Variants in TAF3 observed in about 807,000 individuals in gnomAD.
TAF3 encodes the protein transcription initiation factor TFIID subunit 3.
TAF3 carries 7 observed loss-of-function variants against 80.6 expected under a neutral mutation model. That is an observed-to-expected ratio of 0.09 (90% CI 0.05 to 0.16). TAF3 has a LOEUF of 0.16. Among genes scored for constraint, TAF3 ranks in the 10% least tolerant of loss-of-function variants. TAF3 has a pLI of 1.00. For synonymous variants in TAF3, 444 were observed against 446.1 expected (o/e 1.00, Z 0.06); for missense variants, 921 against 1,140.2 (o/e 0.81, Z 2.77).
intron 2 of TAF3, among the ~76,000 whole-genome samples, chr10:7,830,552 C>T (rs182233305): frequency 1.4e-4 from 17 of 122,588 alleles, no homozygotes; most frequent in Admixed American, 3.4e-4. Context: ...GGCGCAATCT[C>T]GGCTCACTGC....
chr10:7,877,957 C>G lies in TAF3; in HGVS notation c.409+53397C>G, dbSNP rs747754694. ...TACATTGGAGCTAATGTTTCTGTCACCTTACCTGTCACAGTGTCCTTTGAG... is the reference window on the plus strand; with the variant it reads ...TACATTGGAGCTAATGTTTCTGTCAGCTTACCTGTCACAGTGTCCTTTGAG... On this transcript the variant is annotated intron_variant, in intron 2 of 6. Transcript: ENST00000344293. Among the ~76,000 whole-genome samples, 49 of 152,292 alleles carry G rather than the reference C, an allele frequency of 3.2e-4. 1 individual carries two copies. Among genetic ancestry groups the G allele is most frequent in the Middle Eastern group, 3.4e-3 (1 of 294 alleles).
intron 2 of TAF3, among the ~76,000 whole-genome samples, chr10:7,853,769 G>C (rs1837051626): frequency 6.6e-6 from 1 of 152,236 alleles, no homozygotes; most frequent in African/African-American, 2.4e-5. Flanking sequence ...GACAGAGACT[G>C]TATATCCCAA....
At chr10:7,870,600 A>T in intron 2 of TAF3, among the ~76,000 whole-genome samples, 1 of 152,184 alleles carries the variant, frequency 6.6e-6, no homozygotes, top group East Asian at 1.9e-4. Context: ...GTTGTTGAAG[A>T]GTTAGGATGG....
At chr10:7,924,894 A>G (rs898788778) in intron 2 of TAF3, among the ~76,000 whole-genome samples, 1 of 152,224 alleles carries the variant, frequency 6.6e-6, no homozygotes, top group East Asian at 1.9e-4. Flanking sequence ...GTTGTTTAGA[A>G]AGTATAGATG....
At chr10:7,907,710 G>A (rs1282851102) in intron 2 of TAF3, among the ~76,000 whole-genome samples, 1 of 152,210 alleles carries the variant, frequency 6.6e-6, no homozygotes, top group Admixed American at 6.5e-5. Flanking sequence ...TCCCAGGTAA[G>A]CTCTTTCTTC....
intron 2 of TAF3, among the ~76,000 whole-genome samples, chr10:7,910,555 A>G (rs895869664): frequency 2.6e-5 from 4 of 151,942 alleles, no homozygotes; most frequent in African/African-American, 7.3e-5. Flanking sequence ...TAATATTTGT[A>G]TTTTTAGTAG....
intron 1 of TAF3, among the ~76,000 whole-genome samples, chr10:7,820,698 T>G (rs1414672979): frequency 6.6e-6 from 1 of 152,202 alleles, no homozygotes; most frequent in Non-Finnish European, 1.5e-5. Flanking sequence ...TCTGGTTATA[T>G]TGCTCAGGCT....
intron 2 of TAF3, among the ~76,000 whole-genome samples, chr10:7,954,630 T>G (rs1838117391): frequency 7.2e-6 from 1 of 138,302 alleles, no homozygotes; most frequent in Non-Finnish European, 1.6e-5. Flanking sequence ...CACAGAGCTC[T>G]CCATAGTGAG....
At chr10:7,879,007 C>T (rs542856777) in intron 2 of TAF3, among the ~76,000 whole-genome samples, 80 of 152,230 alleles carry the variant, frequency 5.3e-4, no homozygotes, top group African/African-American at 1.8e-3. Flanking sequence ...GGATTACAGG[C>T]ATAAGTCACC....
intron 2 of TAF3, among the ~76,000 whole-genome samples, chr10:7,828,708 G>A (rs926844435): frequency 6.6e-6 from 1 of 151,060 alleles, no homozygotes; most frequent in Admixed American, 6.6e-5. Flanking sequence ...CTTCTGGGGG[G>A]GTCTGTTGAT....
chr10:7,960,504 A>G (rs1175941706), intron 2 of TAF3, among the ~76,000 whole-genome samples: 1 of 152,236 alleles, frequency 6.6e-6, no homozygotes. Flanking sequence ...AGAATAGGTA[A>G]TACTTGAGAG....
chr10:7,927,658 T>G (rs1288697274), intron 2 of TAF3, among the ~76,000 whole-genome samples: 1 of 152,208 alleles, frequency 6.6e-6, no homozygotes, highest in African/African-American at 2.4e-5. Context: ...AGACCCTACT[T>G]CATAAAAATC....
chr10:7,967,398 C>CT (rs112107694), intron 3 of TAF3, among the ~76,000 whole-genome samples: 2,719 of 152,256 alleles, frequency 0.018, 80 homozygotes, highest in African/African-American at 0.062. Flanking sequence ...AGTCCCATGC[C>CT]TTTCTACAGC....
At chr10:7,826,234 G>A (rs946380704) in intron 2 of TAF3, among the ~76,000 whole-genome samples, 4 of 152,078 alleles carry the variant, frequency 2.6e-5, no homozygotes, top group African/African-American at 4.8e-5. Flanking sequence ...CTAACACACC[G>A]ACAGCCCAGA....
chr10:8,002,782 T>C (rs1831956603), intron 4 of TAF3, among the ~76,000 whole-genome samples: 1 of 152,342 alleles, frequency 6.6e-6, no homozygotes, highest in African/African-American at 2.4e-5. Context: ...GAGATAAATA[T>C]GCTTACATCT....
At chr10:7,838,908 G>GTTTTT (rs71505463) in intron 2 of TAF3, among the ~76,000 whole-genome samples, 1 of 101,866 alleles carries the variant, frequency 9.8e-6, no homozygotes, top group African/African-American at 3.9e-5. Context: ...GGCATTGCTT[G>GTTTTT]TTTTTTTTTT....
chr10:7,907,091 ACTT>A (rs1273050645), intron 2 of TAF3, among the ~76,000 whole-genome samples: 1 of 152,164 alleles, frequency 6.6e-6, no homozygotes, highest in Non-Finnish European at 1.5e-5. Context: ...GGATTGAATA[ACTT>A]ACAGCAATTT....
At position 8,016,552 on chromosome 10, in the gene TAF3, A is replaced by G. The variant is rs1229831698; in HGVS notation, c.*1801A>G. 1 of 152,098 alleles carries G rather than the reference A, an allele frequency of 6.6e-6. No homozygotes were observed. 9.4% of individuals were successfully genotyped at this position (152,098 alleles called of 1,614,324 possible). A position where few individuals can be genotyped will look rare whatever the true frequency, so the allele number is the denominator to read the frequency against. On this transcript the variant is annotated 3_prime_UTR_variant, in exon 7 of 7. Transcript: ENST00000344293. The stretch of plus-strand genomic sequence containing the variant: ...TACTTTATACAATATTTTCACATGC[A>G]CAAAAATGCGCGTTAGTGGTTTTTG...
intron 5 of TAF3, among the ~76,000 whole-genome samples, chr10:8,011,271 T>C (rs1288940545): frequency 6.6e-6 from 1 of 152,154 alleles, no homozygotes. Context: ...CTTTTTTTCT[T>C]TTGAGGTAGT....
Sources: gnomAD v4.1 joint callset for allele counts (sites outside exome capture counted in the v4.1 genomes callset) on GRCh38, gnomAD v4.1.1 for gene constraint, MANE v1.5 for transcripts, NCBI Gene and HGNC (gene_info 2026-07-23, HGNC 2026-07-21) for gene names.